TRMT11: variants seen among roughly 807,000 people sequenced by gnomAD.
The protein encoded by TRMT11 is tRNA methyltransferase 11.
TRMT11 carries 53 observed loss-of-function variants against 62.8 expected under a neutral mutation model. The observed-to-expected ratio is 0.84, with a 90% CI of 0.68 to 1.06. The LOEUF is 1.06. Ranked by LOEUF, TRMT11 falls within the 50% of genes least tolerant of loss-of-function variation. The pLI is 0.00. For missense variants in TRMT11, 556 were observed against 553.4 expected (o/e 1.00, Z -0.05); for synonymous variants, 188 against 190.3 (o/e 0.99, Z 0.10).
At chr6:126,234,466 CA>C in the TRMT11 span, among the ~76,000 whole-genome samples, 5 of 151,804 alleles carry the variant, frequency 3.3e-5, no homozygotes, top group Non-Finnish European at 4.4e-5. Context: ...GTTCAATTGG[CA>C]GTTGAAGTTA....
At chr6:126,080,714 C>A (rs112862521) in intron 17 of TRMT11, among the ~76,000 whole-genome samples, 1 of 152,180 alleles carries the variant, frequency 6.6e-6, no homozygotes, top group African/African-American at 2.4e-5. Context: ...AAACTACTCA[C>A]GGTAGCCCAC....
chr6:126,183,360 A>G (rs1233010806), intron 1 of TRMT11, among the ~76,000 whole-genome samples: 1 of 152,124 alleles, frequency 6.6e-6, no homozygotes, highest in African/African-American at 2.4e-5. Flanking sequence ...CTTCTGTAAT[A>G]AGGCCCAGAT....
chr6:126,021,238 A>G lies in TRMT11; in HGVS notation c.1218A>G (p.Thr406=), dbSNP rs747326787. 1.9e-6 allele frequency: 3 copies of G among 1,614,098 alleles called. No homozygotes were observed. The highest frequency in any genetic ancestry group is 2.5e-6 in the Non-Finnish European group (3 of 1,180,030). The change falls in exon 12 of 13, where the codon ACA becomes ACG. Residue 406 remains threonine (T), a synonymous_variant. Coordinates refer to ENST00000334379, the MANE Select transcript of TRMT11 (RefSeq NM_001031712.3). ...GCGAGCAGAAGCTTTCCAGTCACAC[A>G]TCAAGGCGCTTGATCACAATGGAAA... ...SNCEQKLSSH[T]SRRLITMEKV...
the TRMT11 span, among the ~76,000 whole-genome samples, chr6:126,233,190 T>C: frequency 1.3e-5 from 2 of 152,218 alleles, no homozygotes; most frequent in Non-Finnish European, 2.9e-5. Flanking sequence ...GTTTCCTCAC[T>C]ATAAAAGGCA....
intron 21 of TRMT11, among the ~76,000 whole-genome samples, chr6:126,162,837 G>A (rs1253635318): frequency 6.6e-6 from 1 of 152,158 alleles, no homozygotes; most frequent in Non-Finnish European, 1.5e-5. Context: ...GTGAATAGGA[G>A]TTCACTCATG....
chr6:126,243,689 A>C, the TRMT11 span, among the ~76,000 whole-genome samples: 1 of 152,328 alleles, frequency 6.6e-6, no homozygotes, highest in Non-Finnish European at 1.5e-5. Flanking sequence ...CAAGGACAAA[A>C]AACTAAACAC....
At chr6:126,000,178 A>G (rs1298273167) in intron 7 of TRMT11, among the ~76,000 whole-genome samples, 1 of 152,120 alleles carries the variant, frequency 6.6e-6, no homozygotes, top group Non-Finnish European at 1.5e-5. Flanking sequence ...TTTTGTGCAT[A>G]TGATTGGGAT....
Position 126,008,408 on chromosome 6 carries a change from A to G in TRMT11, c.696A>G (p.Ala232=), listed in dbSNP as rs202001678. 1.5e-5 allele frequency: 24 copies of G among 1,613,006 alleles called. No individual in the cohort carries two copies. The highest frequency in any genetic ancestry group is 2.7e-5 in the African/African-American group (2 of 74,860). ...ATTTTTCAGGTGGCCTGCTGATAGCATGTGCTCATTTTGGTGCATATGTGT... is the reference window on the plus strand; with the variant it reads ...ATTTTTCAGGTGGCCTGCTGATAGCGTGTGCTCATTTTGGTGCATATGTGT... ...PFVGTGGLLI[A]CAHFGAYVYG... Residue 232 remains alanine (A), a synonymous_variant, in exon 8 of 13, where the codon GCA becomes GCG. Coordinates refer to ENST00000334379, the MANE Select transcript of TRMT11 (RefSeq NM_001031712.3).
intron 6 of TRMT11, 36 bp downstream of exon 6, chr6:125,998,720 T>G: frequency 6.2e-7 from 1 of 1,600,480 alleles, no homozygotes; most frequent in Non-Finnish European, 8.5e-7. Context: ...GTCAGTTTGT[T>G]TTTTTGAAAG....
chr6:126,082,708 C>T (rs1305450231), intron 17 of TRMT11, among the ~76,000 whole-genome samples: 2 of 152,054 alleles, frequency 1.3e-5, no homozygotes, highest in Non-Finnish European at 2.9e-5. Flanking sequence ...ATAAAAGGGA[C>T]TTTATTTTAT....
intron 17 of TRMT11, among the ~76,000 whole-genome samples, chr6:126,076,259 G>A (rs778600739): frequency 6.6e-6 from 1 of 152,138 alleles, no homozygotes; most frequent in African/African-American, 2.4e-5. Flanking sequence ...ACTGTTCCCT[G>A]GGCTGGGCAT....
chr6:126,234,179 C>T, the TRMT11 span, among the ~76,000 whole-genome samples: 46 of 152,016 alleles, frequency 3.0e-4, no homozygotes, highest in African/African-American at 9.9e-4. Context: ...TGTCATCTAC[C>T]GATTTGCCTT....
At chr6:126,067,030 C>A (rs952524543) in intron 17 of TRMT11, among the ~76,000 whole-genome samples, 7 of 151,822 alleles carry the variant, frequency 4.6e-5, no homozygotes, top group African/African-American at 1.7e-4. Context: ...GAGTTTGAGA[C>A]CAGCCTGACC....
chr6:126,111,880 A>G (rs1777536474), intron 17 of TRMT11, among the ~76,000 whole-genome samples: 1 of 152,094 alleles, frequency 6.6e-6, no homozygotes, highest in Non-Finnish European at 1.5e-5. Flanking sequence ...CTGTATATAA[A>G]TTGGGTATAT....
chr6:126,188,375 A>T (rs1415480906), intron 1 of TRMT11, among the ~76,000 whole-genome samples: 3 of 152,086 alleles, frequency 2.0e-5, no homozygotes, highest in Non-Finnish European at 4.4e-5. Context: ...TTAAACACAT[A>T]AAAATGGATT....
At chr6:126,190,131 A>C (rs1255741787) in intron 1 of TRMT11, among the ~76,000 whole-genome samples, 11 of 152,164 alleles carry the variant, frequency 7.2e-5, no homozygotes. Flanking sequence ...CTACTGTACT[A>C]TCAAATACTA....
chr6:126,024,877 A>G (rs1214878934), intron 12 of TRMT11, among the ~76,000 whole-genome samples: 1 of 152,252 alleles, frequency 6.6e-6, no homozygotes, highest in African/African-American at 2.4e-5. Context: ...GCTCTTAGAA[A>G]TCATAGCATT....
chr6:126,115,097 A>T (rs961709291), intron 19 of TRMT11, among the ~76,000 whole-genome samples: 8 of 151,908 alleles, frequency 5.3e-5, no homozygotes, highest in African/African-American at 1.9e-4. Flanking sequence ...TCACTAAGGG[A>T]CTGTACTAAC....
chr6:126,130,840 A>G (rs1027739710), intron 21 of TRMT11, among the ~76,000 whole-genome samples: 9 of 152,248 alleles, frequency 5.9e-5, no homozygotes, highest in Admixed American at 5.2e-4. Flanking sequence ...ATGACTCTGG[A>G]TGAATGCTTG....
Sources: allele counts gnomAD v4.1 joint callset (sites outside exome capture counted in the v4.1 genomes callset), GRCh38; gene constraint gnomAD v4.1.1; transcripts MANE v1.5; gene names NCBI Gene and HGNC (gene_info 2026-07-23, HGNC 2026-07-21).